STXBP5L: variants seen among roughly 807,000 people sequenced by gnomAD.
The protein encoded by STXBP5L is syntaxin binding protein 5L, also known as syntaxin-binding protein 5-like.
STXBP5L carries 65 observed loss-of-function variants against 144.5 expected under a neutral mutation model. That is an observed-to-expected ratio of 0.45 (90% CI 0.37 to 0.55). The LOEUF (loss-of-function observed/expected upper bound fraction) is 0.55, where lower values mean the gene tolerates loss of function less well. STXBP5L is among the 20% of genes least tolerant of loss of function. The probability of loss-of-function intolerance (pLI) is 0.00; values close to 1 mark genes in which losing one functional copy is unlikely to be tolerated. For synonymous variants in STXBP5L, 505 were observed against 469.6 expected (o/e 1.08, Z -0.97); for missense variants, 1,298 against 1,405.5 (o/e 0.92, Z 1.22).
chr3:121,197,394 T>A (rs1204271571), intron 9 of STXBP5L, among the ~76,000 whole-genome samples: 1 of 152,182 alleles, frequency 6.6e-6, no homozygotes, highest in Non-Finnish European at 1.5e-5. Context: ...GTAAATTTAG[T>A]TTTTATTTTC....
chr3:121,393,166 T>G (rs767854139), intron 22 of STXBP5L, among the ~76,000 whole-genome samples: 3 of 150,950 alleles, frequency 2.0e-5, no homozygotes, highest in Non-Finnish European at 2.9e-5. Context: ...AATTTTCATT[T>G]CTCTCATGAC....
At chr3:120,946,638 T>C (rs1710873554) in intron 2 of STXBP5L, among the ~76,000 whole-genome samples, 1 of 151,698 alleles carries the variant, frequency 6.6e-6, no homozygotes, top group Non-Finnish European at 1.5e-5. Context: ...TTTTGCCACA[T>C]TATGACAGTA....
intron 3 of STXBP5L, among the ~76,000 whole-genome samples, chr3:120,972,604 T>C (rs911015731): frequency 6.6e-6 from 1 of 152,120 alleles, no homozygotes; most frequent in Admixed American, 6.6e-5. Flanking sequence ...TCCAGTACTA[T>C]GTTGAATAGG....
At position 121,331,501 on chromosome 3, in the gene STXBP5L, G is replaced by A. The variant is rs1257636464; in HGVS notation, c.2176+12961G>A. On this transcript the variant is annotated intron_variant, in intron 20 of 26. Coordinates refer to ENST00000471454, the MANE Select transcript of STXBP5L (RefSeq NM_001308330.2). ...TACTTGGAATATCAAAATTCCTGCA[G>A]ATGAAAAGAGGTGCCTGTCTAATCT... 3.9e-5 allele frequency among the ~76,000 whole-genome samples: 6 copies of A among 152,308 alleles called. No homozygotes were observed. The South Asian group carries it at 1.2e-3, about 32-fold the overall frequency.
chr3:121,141,469 T>C (rs7634173), intron 7 of STXBP5L, among the ~76,000 whole-genome samples: 15,086 of 152,056 alleles, frequency 0.099, 1,176 homozygotes, highest in Admixed American at 0.2. Flanking sequence ...AATACTGTAG[T>C]GTGAGATGAT....
intron 20 of STXBP5L, among the ~76,000 whole-genome samples, chr3:121,355,713 C>G (rs1390501361): frequency 6.6e-6 from 1 of 152,176 alleles, no homozygotes; most frequent in Admixed American, 6.5e-5. Flanking sequence ...CATTCTCCAT[C>G]CAGCTTTGTT....
chr3:121,142,124 T>G (rs2045533886), intron 7 of STXBP5L, among the ~76,000 whole-genome samples: 1 of 152,044 alleles, frequency 6.6e-6, no homozygotes, highest in Non-Finnish European at 1.5e-5. Flanking sequence ...TGGCTATTAT[T>G]ATTGCAGACA....
At chr3:121,106,100 A>G (rs558172041) in intron 5 of STXBP5L, among the ~76,000 whole-genome samples, 93 of 152,238 alleles carry the variant, frequency 6.1e-4, no homozygotes, top group African/African-American at 2.2e-3. Flanking sequence ...TCTTACTGTA[A>G]TTAATCTCTT....
chr3:121,417,281 C>T (rs1323374137), intron 25 of STXBP5L, among the ~76,000 whole-genome samples: 1 of 152,046 alleles, frequency 6.6e-6, no homozygotes, highest in Non-Finnish European at 1.5e-5. Context: ...ACACTAAAAA[C>T]AAGTGAATTT....
intron 5 of STXBP5L, among the ~76,000 whole-genome samples, chr3:121,067,642 G>T (rs941258063): frequency 1.3e-5 from 2 of 152,082 alleles, no homozygotes; most frequent in Admixed American, 6.5e-5. Flanking sequence ...TAATTGTGTT[G>T]TTAGATCTGT....
chr3:121,380,402 G>A lies in STXBP5L; in HGVS notation c.2348-891G>A, dbSNP rs963343247. 2.0e-5 allele frequency among the ~76,000 whole-genome samples: 3 copies of A among 152,142 alleles called. No homozygotes were observed. In the South Asian group the frequency reaches 6.2e-4, roughly 31 times the overall value. Reference sequence around the variant, plus strand: ...CCTCTTTCTATAAAAACAATTATGAGTTACATGTGTACCTATCAAGAGGGA... The same window carrying A: ...CCTCTTTCTATAAAAACAATTATGAATTACATGTGTACCTATCAAGAGGGA... On this transcript the variant is annotated intron_variant, in intron 21 of 26. Transcript: ENST00000471454.
At chr3:121,000,299 C>G (rs1173674557) in intron 3 of STXBP5L, among the ~76,000 whole-genome samples, 1 of 152,032 alleles carries the variant, frequency 6.6e-6, no homozygotes, top group Non-Finnish European at 1.5e-5. Flanking sequence ...ATATTATGTT[C>G]ATTCTTTTAC....
chr3:121,276,811 C>G (rs1052549399), intron 18 of STXBP5L, among the ~76,000 whole-genome samples: 2 of 151,258 alleles, frequency 1.3e-5, no homozygotes, highest in African/African-American at 4.9e-5. Context: ...GATTATGATG[C>G]CTTTTTGTTT....
chr3:121,143,624 C>T (rs1175464012), intron 7 of STXBP5L, among the ~76,000 whole-genome samples: 2 of 151,748 alleles, frequency 1.3e-5, no homozygotes, highest in Non-Finnish European at 3.0e-5. Context: ...ACCAATGGAA[C>T]AGAATAGAGA....
intron 3 of STXBP5L, among the ~76,000 whole-genome samples, chr3:121,036,905 A>C (rs1946797893): frequency 1.3e-5 from 2 of 151,126 alleles, no homozygotes; most frequent in African/African-American, 4.9e-5. Context: ...TGGTTATATT[A>C]TATAATTCTT....
rs189873047 is a variant in STXBP5L, at chr3:121,161,853, G to T, written c.877+4226G>T. On this transcript the variant is annotated intron_variant, in intron 9 of 26. Coordinates refer to ENST00000471454, the MANE Select transcript of STXBP5L (RefSeq NM_001308330.2). ...AATTTTGCTCAGAAGCAGGACAGGGGTGTCCACAATTACCGCTTTTATTTA... is the reference window on the plus strand; with the variant it reads ...AATTTTGCTCAGAAGCAGGACAGGGTTGTCCACAATTACCGCTTTTATTTA... Among the ~76,000 whole-genome samples, 32 of 152,068 alleles carry T rather than the reference G, an allele frequency of 2.1e-4. No homozygotes were observed. The South Asian group carries it at 5.4e-3, about 26-fold the overall frequency.
At chr3:121,308,095 G>T (rs1002027710) in intron 19 of STXBP5L, among the ~76,000 whole-genome samples, 2 of 152,078 alleles carry the variant, frequency 1.3e-5, no homozygotes, top group Admixed American at 6.6e-5. Flanking sequence ...CAACACACTG[G>T]GGCCTGTTGT....
chr3:121,311,819 C>T (rs2043539470), intron 19 of STXBP5L, among the ~76,000 whole-genome samples: 1 of 152,160 alleles, frequency 6.6e-6, no homozygotes, highest in Non-Finnish European at 1.5e-5. Flanking sequence ...CAATGACTTT[C>T]TTCACAGAAT....
At chr3:120,955,105 A>ATCTT in intron 3 of STXBP5L, 68 bp downstream of exon 3, 4 of 1,130,874 alleles carry the variant, frequency 3.5e-6, no homozygotes, top group Middle Eastern at 2.0e-4. Flanking sequence ...ATATTCAGGT[A>ATCTT]AGATAAATAT....
Sources: gnomAD v4.1 joint callset for allele counts (sites outside exome capture counted in the v4.1 genomes callset) on GRCh38, gnomAD v4.1.1 for gene constraint, MANE v1.5 for transcripts, NCBI Gene and HGNC (gene_info 2026-07-23, HGNC 2026-07-21) for gene names.